The following FBXO11 variants were observed in gnomAD, a reference collection of about 807,000 sequenced individuals.
FBXO11 encodes the protein F-box protein 11.
Under a neutral mutation model 117.0 loss-of-function variants are expected in FBXO11, and 13 were observed. That is an observed-to-expected ratio of 0.11 (90% CI 0.07 to 0.18). The LOEUF is 0.18. Among genes scored for constraint, FBXO11 ranks in the 10% least tolerant of loss-of-function variants. The probability of loss-of-function intolerance (pLI) is 1.00; values close to 1 mark genes in which losing one functional copy is unlikely to be tolerated. For synonymous variants in FBXO11, 490 were observed against 380.5 expected (o/e 1.29, Z -3.35); for missense variants, 767 against 1,164.4 (o/e 0.66, Z 4.97).
chr2:47,868,005 A>G (rs1675326051), intron 1 of FBXO11, among the ~76,000 whole-genome samples: 1 of 152,152 alleles, frequency 6.6e-6, no homozygotes, highest in South Asian at 2.1e-4. Context: ...CAGGTAAAGA[A>G]AGTGAGTGAA....
At chr2:47,814,588 A>G (rs934991246) in intron 16 of FBXO11, among the ~76,000 whole-genome samples, 2 of 152,078 alleles carry the variant, frequency 1.3e-5, no homozygotes, top group Non-Finnish European at 2.9e-5. Context: ...CATGTTGCCC[A>G]GGCTGTTCTC....
At chr2:47,845,491 A>G (rs2104910606) in intron 1 of FBXO11, among the ~76,000 whole-genome samples, 1 of 152,310 alleles carries the variant, frequency 6.6e-6, no homozygotes, top group South Asian at 2.1e-4. Context: ...GAAGTTACTT[A>G]AAAAGGGATC....
chr2:47,893,467 G>C (rs1177247907), intron 1 of FBXO11, among the ~76,000 whole-genome samples: 1 of 152,050 alleles, frequency 6.6e-6, no homozygotes, highest in Non-Finnish European at 1.5e-5. Flanking sequence ...GGGTGGCTCA[G>C]GAGATAAATT....
intron 7 of FBXO11, among the ~76,000 whole-genome samples, chr2:47,833,300 TAAAAAATGGTTTCTTGTGGAAACAAAAAC>T (rs944507196): frequency 2.0e-5 from 3 of 152,316 alleles, no homozygotes; most frequent in East Asian, 1.9e-4. Flanking sequence ...AACGGCATAT[TAAAAAATGGTTTCTTGTGGAAACAAAAAC>T]AAAAAATGGT....
chr2:47,869,370 G>A (rs1440451830), intron 1 of FBXO11, among the ~76,000 whole-genome samples: 4 of 152,208 alleles, frequency 2.6e-5, no homozygotes, highest in Non-Finnish European at 5.9e-5. Flanking sequence ...AAAGAAGGGT[G>A]TTATTGTGCT....
chr2:47,898,970 C>A (rs1333790667), intron 1 of FBXO11, among the ~76,000 whole-genome samples: 1 of 151,798 alleles, frequency 6.6e-6, no homozygotes, highest in Admixed American at 6.6e-5. Context: ...GTAATAAAAT[C>A]TCTTACAGAA....
intron 19 of FBXO11, 80 bp from the exon 20 acceptor site, chr2:47,809,787 ACTG>A (rs1273535310): frequency 2.2e-5 from 19 of 880,146 alleles, no homozygotes; most frequent in Middle Eastern, 2.9e-4. Flanking sequence ...GCAAATGTAA[ACTG>A]CTTCTTTTAT....
rs551809635 is a variant in FBXO11 at position 47,807,678 on chromosome 2, A to G, written c.*440T>C. On this transcript the variant is annotated 3_prime_UTR_variant, in exon 23 of 23. Coordinates refer to ENST00000403359, the MANE Select transcript of FBXO11 (RefSeq NM_001190274.2). ...ATCTGAATACATGTTAAAAAAAAAA[A>G]ATCAAAAGGAACGCAGAAGTGCTAG... 465 of 229,138 alleles carry G rather than the reference A, an allele frequency of 2.0e-3. 2 individuals are homozygous for G. The highest frequency in any genetic ancestry group is 3.3e-3 in the South Asian group (20 of 6,110). The allele number at this position is 229,138 out of a possible 1,614,324, so 14.2% of individuals were successfully genotyped here.
intron 1 of FBXO11, 43 bp downstream of exon 1, chr2:47,905,446 G>C: frequency 8.3e-7 from 1 of 1,201,008 alleles, no homozygotes; most frequent in Admixed American, 4.5e-5. Flanking sequence ...CCCTTCCCGC[G>C]GTGCCCGGGA....
chr2:47,875,331 T>G (rs1675919855), intron 1 of FBXO11, among the ~76,000 whole-genome samples: 1 of 152,260 alleles, frequency 6.6e-6, no homozygotes, highest in South Asian at 2.1e-4. Context: ...AGGTCTAGAG[T>G]GCTATTTATC....
chr2:47,822,386 G>A (rs768822365), intron 12 of FBXO11, 83 bp from the exon 13 acceptor site: 2 of 780,038 alleles, frequency 2.6e-6, no homozygotes, highest in Non-Finnish European at 4.2e-6. Flanking sequence ...GCCCCTCATG[G>A]TCATATAACA....
At chr2:47,817,322 C>A (rs1425737493) in intron 16 of FBXO11, among the ~76,000 whole-genome samples, 2 of 152,170 alleles carry the variant, frequency 1.3e-5, no homozygotes, top group African/African-American at 4.8e-5. Context: ...GGGAATGTTG[C>A]GGCTGGTTTG....
rs544062039 is a variant in FBXO11 at position 47,887,353 on chromosome 2, A to G, written c.232+18136T>C. ...TCGAATTTTTTTTTTTTTTCTTTTC[A>G]AAAGAACCAACACAAAAGAACAGTT... is the stretch of plus-strand genomic sequence containing the variant. On this transcript the variant is annotated intron_variant, in intron 1 of 22. Coordinates refer to ENST00000403359, the MANE Select transcript of FBXO11 (RefSeq NM_001190274.2). Among the ~76,000 whole-genome samples the G allele has an allele frequency of 2.2e-4, 33 of 150,994 alleles. 1 individual carries two copies. Among genetic ancestry groups the G allele is most frequent in the African/African-American group, 7.8e-4 (32 of 41,136 alleles).
intron 16 of FBXO11, among the ~76,000 whole-genome samples, chr2:47,817,619 G>A (rs534107569): frequency 1.3e-5 from 2 of 152,300 alleles, no homozygotes; most frequent in Non-Finnish European, 2.9e-5. Flanking sequence ...TTTAAAGTGA[G>A]AGATACGCAA....
At chr2:47,901,054 CATATATATGTATAT>C (rs1194573242) in intron 1 of FBXO11, among the ~76,000 whole-genome samples, 3 of 109,786 alleles carry the variant, frequency 2.7e-5, no homozygotes, top group African/African-American at 9.0e-5. Context: ...CATATATACA[CATATATATGTATAT>C]ATATACACAC....
At chr2:47,872,816 C>T (rs1203577408) in intron 1 of FBXO11, among the ~76,000 whole-genome samples, 1 of 152,000 alleles carries the variant, frequency 6.6e-6, no homozygotes, top group Non-Finnish European at 1.5e-5. Context: ...TAAAACTATT[C>T]CACTCTAAAT....
In FBXO11 at chr2:47,819,016, G is replaced by T. The variant is rs1196586936; in HGVS notation, c.1860C>A (p.Val620=). 1.9e-6 allele frequency: 3 copies of T among 1,613,804 alleles called. No individual in the cohort carries two copies. Among genetic ancestry groups the T allele is most frequent in the Non-Finnish European group, 2.5e-6 (3 of 1,179,896 alleles). Residue 620 remains valine, a synonymous_variant, in exon 15 of 23, where the codon GTC becomes GTA. Coordinates refer to ENST00000403359, the MANE Select transcript of FBXO11 (RefSeq NM_001190274.2). ...CTGGAGTGCTGCCAGTTGTCACCCA[G>T]ACTCCAGCTAGAGTGTTACTATAAA... The part of the protein sequence containing the change: ...NEVYSNTLAG[V]WVTTGSTPVL...
rs544945609 is a variant in FBXO11 at position 47,863,702 on chromosome 2, T to G, written c.233-23933A>C. Among the ~76,000 whole-genome samples the G allele has an allele frequency of 1.4e-4, 21 of 152,234 alleles. No homozygotes were observed. In the South Asian group the frequency reaches 4.4e-3, roughly 32 times the overall value. ...TGCGGTGGCTCATGCCTATAATCCC[T>G]GCCTACGGTGGGCAGATCACTTGAA... On this transcript the variant is annotated intron_variant, in intron 1 of 22. Transcript: ENST00000403359.
chr2:47,903,958 T>A (rs1309579834), intron 1 of FBXO11, among the ~76,000 whole-genome samples: 2 of 152,256 alleles, frequency 1.3e-5, no homozygotes, highest in African/African-American at 4.8e-5. Context: ...TTACCAATTA[T>A]GTTGCACAAG....
Sources: gnomAD v4.1 joint callset for allele counts (sites outside exome capture counted in the v4.1 genomes callset) on GRCh38, gnomAD v4.1.1 for gene constraint, MANE v1.5 for transcripts, NCBI Gene and HGNC (gene_info 2026-07-23, HGNC 2026-07-21) for gene names.